The following DYNC1H1 variants were observed in gnomAD, a reference collection of about 807,000 sequenced individuals.
The protein encoded by DYNC1H1 is cytoplasmic dynein 1 heavy chain 1.
A neutral mutation model predicts 527.1 loss-of-function variants in DYNC1H1; 51 were observed. The ratio of observed to expected loss-of-function variants is 0.10; its 90% CI spans 0.08 to 0.12. DYNC1H1 has a LOEUF of 0.12. Among genes scored for constraint, DYNC1H1 ranks in the 10% least tolerant of loss-of-function variants. The pLI is 1.00. For synonymous variants in DYNC1H1, 2,189 were observed against 2,278.8 expected, an observed-to-expected ratio of 0.96 and a Z score of 1.12; for missense variants, 2,771 against 5,971.8, an observed-to-expected ratio of 0.46 and a Z score of 17.66.
intron 7 of DYNC1H1, among the ~76,000 whole-genome samples, chr14:101,984,203 T>C (rs2047901195): frequency 6.6e-6 from 1 of 151,188 alleles, no homozygotes; most frequent in African/African-American, 2.4e-5. Context: ...TTGCCCAGGC[T>C]ATTCTCGAAC....
At chr14:101,966,846 A>T (rs1566991828) in intron 1 of DYNC1H1, among the ~76,000 whole-genome samples, 1 of 152,188 alleles carries the variant, frequency 6.6e-6, no homozygotes, top group Non-Finnish European at 1.5e-5. Flanking sequence ...GACTATGTTT[A>T]TGTAGTACAA....
chr14:102,020,372 G>A lies in DYNC1H1; in HGVS notation c.8507+316G>A, dbSNP rs532243689. Among the ~76,000 whole-genome samples, 44 of 152,152 alleles carry A rather than the reference G, an allele frequency of 2.9e-4. No individual in the cohort carries two copies. Among genetic ancestry groups the A allele is most frequent in the African/African-American group, 8.4e-4 (35 of 41,508 alleles). Reference sequence around the variant, plus strand: ...AGATACATCATAGAAGTCAAAAAACGGGGCACTTTAATAAACCTTTTAAAC... The same window carrying A: ...AGATACATCATAGAAGTCAAAAAACAGGGCACTTTAATAAACCTTTTAAAC... On this transcript the variant is annotated intron_variant, in intron 42 of 77. Transcript: ENST00000360184. This position sits in a 1 kb window ranked among gnomAD's most constrained non-coding sequence, Gnocchi z 4.3.
intron 9 of DYNC1H1, 149 bp downstream of exon 9, chr14:101,987,781 G>C (rs2047952614): frequency 1.0e-6 from 1 of 979,378 alleles, no homozygotes; most frequent in African/African-American, 1.6e-5. Context: ...ACTAGTGATA[G>C]AACTGAATTG....
chr14:102,012,077 A>G lies in DYNC1H1; in HGVS notation c.6821A>G (p.Glu2274Gly). 1 of 1,614,186 alleles carries G rather than the reference A, an allele frequency of 6.2e-7. No individual in the cohort carries two copies. The highest frequency in any genetic ancestry group is 8.5e-7 in the Non-Finnish European group (1 of 1,180,034). ...LYGTLDPNTREWTDGLFTHVL... is the reference protein window; with the variant it reads ...LYGTLDPNTRGWTDGLFTHVL... Reference sequence around the variant, plus strand: ...GGAACCCTGGACCCCAACACCAGGGAATGGACAGATGGGCTCTTCACACAC... The same window carrying G: ...GGAACCCTGGACCCCAACACCAGGGGATGGACAGATGGGCTCTTCACACAC... Residue 2274 changes from glutamate (E) to glycine (G), a missense_variant, in exon 33 of 78, where the codon GAA becomes GGA. By Grantham distance (98) the Glu-to-Gly change is moderately conservative (BLOSUM62 -2). Around this residue, in one of 32 missense-constraint regions of DYNC1H1, gnomAD observed 56 missense variants for 183.8 expected, o/e 0.30. Transcript: ENST00000360184. This position sits in a 1 kb window ranked among gnomAD's most constrained non-coding sequence, Gnocchi z 4.9.
chr14:102,003,062 G>A, intron 23 of DYNC1H1, 97 bp downstream of exon 23: 1 of 1,523,890 alleles, frequency 6.6e-7, no homozygotes, highest in South Asian at 1.2e-5. Flanking sequence ...GTGTTTGTTA[G>A]TTTTGACATC....
In DYNC1H1 at chr14:101,983,641, G is replaced by A. The variant is rs752478635; in HGVS notation, c.1461+32G>A. 47 of 1,588,934 alleles carry A rather than the reference G, an allele frequency of 3.0e-5. No homozygotes were observed. Among genetic ancestry groups the A allele is most frequent in the Non-Finnish European group, 3.9e-5 (46 of 1,165,666 alleles). On this transcript the variant is annotated intron_variant, in intron 7 of 77. Transcript: ENST00000360184. This position sits in a 1 kb window ranked among gnomAD's most constrained non-coding sequence, Gnocchi z 5.3. ...TTTGCATTCTAAAAGTTTGTGTTTT[G>A]TTTTTGTTTTTGTTTTGTTTTTTGT...
At chr14:102,048,352 C>A in intron 73 of DYNC1H1, 164 bp from the exon 74 acceptor site, 1 of 992,532 alleles carries the variant, frequency 1.0e-6, no homozygotes, top group Non-Finnish European at 1.5e-6. Context: ...GCCTCAGCTT[C>A]ACACAAGCTC....
intron 1 of DYNC1H1, among the ~76,000 whole-genome samples, chr14:101,971,410 T>C (rs2047737586): frequency 6.6e-6 from 1 of 152,104 alleles, no homozygotes; most frequent in Admixed American, 6.6e-5. Context: ...TGAAATTGCA[T>C]AGTTTTTGTA....
In DYNC1H1 at chr14:102,038,833, C is replaced by A; in HGVS notation, c.11191C>A (p.Leu3731Ile). ...RPDVDEKRSDLLKLQGEFQLR... is the reference protein window; with the variant it reads ...RPDVDEKRSDILKLQGEFQLR... The stretch of plus-strand genomic sequence containing the variant: ...TGATGTGGACGAGAAACGATCTGAT[C>A]TTCTTAAACTTCAAGGTAGGATCTG... Residue 3731 changes from leucine to isoleucine, a missense_variant, in exon 59 of 78, where the codon CTT (leucine) becomes ATT (isoleucine). Leu to Ile is a conservative substitution (Grantham distance 5). Transcript: ENST00000360184. The surrounding 1 kb of genome is among the most constrained non-coding windows in gnomAD (Gnocchi z 7.2). 1 of 1,614,192 alleles carries A rather than the reference C, an allele frequency of 6.2e-7. No individual in the cohort carries two copies. The highest frequency in any genetic ancestry group is 1.1e-5 in the South Asian group (1 of 91,086).
At chr14:102,024,080 C>G (rs1458762930) in intron 43 of DYNC1H1, among the ~76,000 whole-genome samples, 1 of 152,152 alleles carries the variant, frequency 6.6e-6, no homozygotes, top group African/African-American at 2.4e-5. Flanking sequence ...GAGGGTCGAG[C>G]CATTGGATTT....
At chr14:101,984,861 A>G (rs967204538) in intron 7 of DYNC1H1, among the ~76,000 whole-genome samples, 1 of 143,560 alleles carries the variant, frequency 7.0e-6, no homozygotes, top group South Asian at 2.3e-4. Context: ...TGAACCCAGG[A>G]GACGGAGCTT....
chr14:102,011,141 A>G lies in DYNC1H1; in HGVS notation c.6618+189A>G, dbSNP rs1041116117. The stretch of plus-strand genomic sequence containing the variant: ...TTGTTGTTTAAATGAAGAGGAAACA[A>G]TACTTAACCTGAAAATTTTACATGA... On this transcript the variant is annotated intron_variant, in intron 32 of 77. Coordinates refer to ENST00000360184, the MANE Select transcript of DYNC1H1 (RefSeq NM_001376.5). The surrounding 1 kb of genome is among the most constrained non-coding windows in gnomAD (Gnocchi z 5.3). 1.5e-6 allele frequency: 1 copy of G among 672,070 alleles called. No homozygotes were observed. The highest frequency in any genetic ancestry group is 2.6e-6 in the Non-Finnish European group (1 of 381,050). The allele number at this position is 672,070 out of a possible 1,614,324, so 41.6% of individuals were successfully genotyped here.
Position 102,012,745 on chromosome 14 carries a change from G to T in DYNC1H1, c.7014+275G>T. ...ATTATCAGTTAACCCTGTATGGTGG[G>T]GTTGTCGTTAAGGTTTCTTAAGCTG... On this transcript the variant is annotated intron_variant, in intron 34 of 77. Transcript: ENST00000360184. This position sits in a 1 kb window ranked among gnomAD's most constrained non-coding sequence, Gnocchi z 4.9. The T allele has an allele frequency of 2.1e-6, 1 of 479,772 alleles. No homozygotes were observed. Among genetic ancestry groups the T allele is most frequent in the Non-Finnish European group, 3.8e-6 (1 of 264,078 alleles). 29.7% of individuals were successfully genotyped at this position (479,772 alleles called of 1,614,324 possible).
chr14:102,043,846 ACT>A, intron 69 of DYNC1H1, 27 bp from the exon 70 acceptor site: 1 of 1,613,614 alleles, frequency 6.2e-7, no homozygotes, highest in Non-Finnish European at 8.5e-7. Context: ...TTTTCTAATG[ACT>A]CTGTGCTTGG....
intron 43 of DYNC1H1, among the ~76,000 whole-genome samples, chr14:102,024,423 C>G (rs1333305111): frequency 6.6e-6 from 1 of 152,150 alleles, no homozygotes; most frequent in African/African-American, 2.4e-5. Flanking sequence ...ATAACTCAGG[C>G]TGGGAAGAGA....
At position 102,016,464 on chromosome 14, in the gene DYNC1H1, C is replaced by G. The variant is rs775960028; in HGVS notation, c.7589C>G (p.Pro2530Arg). 6.2e-7 allele frequency: 1 copy of G among 1,614,202 alleles called. No individual in the cohort carries two copies. Among genetic ancestry groups the G allele is most frequent in the South Asian group, 1.1e-5 (1 of 91,088 alleles). ...RITTVPLPTA[P>R]NIPIIDYEVS... ...ACGACCGTGCCTCTGCCCACTGCGC[C>G]CAACATACCCATTATCGATTATGAG... Residue 2530 changes from proline to arginine, a missense_variant, in exon 37 of 78, where the codon CCC (proline) becomes CGC (arginine). By Grantham distance (103) the Pro-to-Arg change is moderately radical (BLOSUM62 -2). This residue lies in a region of DYNC1H1 where 71 missense variants were observed against 143.6 expected (regional missense o/e 0.49). Coordinates refer to ENST00000360184, the MANE Select transcript of DYNC1H1 (RefSeq NM_001376.5). The surrounding 1 kb of genome is among the most constrained non-coding windows in gnomAD (Gnocchi z 7.3).
In DYNC1H1 at chr14:101,986,351, G is replaced by A; in HGVS notation, c.2126G>A (p.Arg709His). The change falls in exon 8 of 78, where the codon CGC becomes CAC. Residue 709 changes from arginine to histidine, a missense_variant. Arg to His is a conservative substitution (Grantham distance 29, BLOSUM62 0). Coordinates refer to ENST00000360184, the MANE Select transcript of DYNC1H1 (RefSeq NM_001376.5). This position sits in a 1 kb window ranked among gnomAD's most constrained non-coding sequence, Gnocchi z 8.7. ...FDDWARKVQQ[R>H]NLGVSGRIFT... ...GACTGGGCAAGGAAGGTGCAGCAGC[G>A]CAACCTCGGTGTCTCGGGGCGCATT... 6.2e-7 allele frequency: 1 copy of A among 1,614,026 alleles called. No individual in the cohort carries two copies. The highest frequency in any genetic ancestry group is 8.5e-7 in the Non-Finnish European group (1 of 1,180,002).
Position 101,985,720 on chromosome 14 carries a change from G to A in DYNC1H1, c.1495G>A (p.Val499Ile). ...TAVAQQNQGEVPEPQDMKVAE... is the reference protein window; with the variant it reads ...TAVAQQNQGEIPEPQDMKVAE... ...AGTTGCACAACAGAATCAAGGAGAG[G>A]TCCCTGAACCCCAAGATATGAAAGT... The change falls in exon 8 of 78, where the codon GTC becomes ATC. Residue 499 changes from valine to isoleucine, a missense_variant. Physicochemically the swap from Val to Ile is conservative, Grantham distance 29. This residue lies in a region of DYNC1H1 where 264 missense variants were observed against 619.4 expected (regional missense o/e 0.43). Transcript: ENST00000360184. The surrounding 1 kb of genome is among the most constrained non-coding windows in gnomAD (Gnocchi z 5.9). 2 of 1,614,176 alleles carry A rather than the reference G, an allele frequency of 1.2e-6. No homozygotes were observed. Among genetic ancestry groups the A allele is most frequent in the Non-Finnish European group, 1.7e-6 (2 of 1,180,028 alleles).
rs2048655733 is a variant in DYNC1H1 at position 102,041,917 on chromosome 14, C to T, written c.12103-96C>T. On this transcript the variant is annotated intron_variant, in intron 65 of 77. Coordinates refer to ENST00000360184, the MANE Select transcript of DYNC1H1 (RefSeq NM_001376.5). This position sits in a 1 kb window ranked among gnomAD's most constrained non-coding sequence, Gnocchi z 4.5. ...CCCACACCTCTGGGCCCAGAAAGAA[C>T]ATCTTCTCAGGCCCCTCACTCGGGG... is the stretch of plus-strand genomic sequence containing the variant. The T allele has an allele frequency of 6.6e-7, 1 of 1,511,044 alleles. No individual in the cohort carries two copies. The highest frequency in any genetic ancestry group is 9.1e-7 in the Non-Finnish European group (1 of 1,098,092). The allele number at this position is 1,511,044 out of a possible 1,614,324, so 93.6% of individuals were successfully genotyped here.
Sources: gnomAD v4.1 joint callset for allele counts (sites outside exome capture counted in the v4.1 genomes callset) on GRCh38, gnomAD v4.1.1 for gene constraint, gnomAD v4.1.1 regional missense constraint, Gnocchi (gnomAD v3.1) non-coding constraint, MANE v1.5 for transcripts, NCBI Gene and HGNC (gene_info 2026-07-23, HGNC 2026-07-21) for gene names.